The following ARHGEF37 variants were observed in gnomAD, a reference collection of about 807,000 sequenced individuals.
ARHGEF37 encodes Rho guanine nucleotide exchange factor 37.
ARHGEF37 carries 55 observed loss-of-function variants against 71.1 expected under a neutral mutation model. That is an observed-to-expected ratio of 0.77 (90% CI 0.62 to 0.97). The LOEUF (loss-of-function observed/expected upper bound fraction) is 0.97. Among genes scored for constraint, ARHGEF37 ranks in the 50% least tolerant of loss-of-function variants. The pLI, the probability that ARHGEF37 is intolerant of heterozygous loss-of-function variation, is 0.00. For synonymous variants in ARHGEF37, 327 were observed against 350.6 expected, an observed-to-expected ratio of 0.93 and a Z score of 0.75; for missense variants, 765 against 836.8, an observed-to-expected ratio of 0.91 and a Z score of 1.06.
rs528661193 is a variant in ARHGEF37 at position 149,612,843 on chromosome 5, C to A, written c.458+3148C>A. On this transcript the variant is annotated intron_variant, in intron 4 of 12. Transcript: ENST00000333677. ...TTTCTCAGTCTGCTATGATAGATGG[C>A]ACCAGGTTATTAGATTCCTTGGGAT... 9.2e-5 allele frequency among the ~76,000 whole-genome samples: 14 copies of A among 152,354 alleles called. 1 individual carries two copies. In the East Asian group the frequency reaches 2.7e-3, roughly 29 times the overall value.
upstream of ARHGEF37, among the ~76,000 whole-genome samples, chr5:149,580,315 C>T (rs1763083008): frequency 6.6e-6 from 1 of 152,138 alleles, no homozygotes; most frequent in Non-Finnish European, 1.5e-5. Flanking sequence ...CCCCCCTCAG[C>T]TTCCCAAAGT....
rs146200413 is a variant in ARHGEF37 at position 149,566,218 on chromosome 5, C to T, written c.-12+14095C>T. Among the ~76,000 whole-genome samples the T allele has an allele frequency of 2.7e-3, 409 of 151,898 alleles. 3 individuals carry two copies. Among genetic ancestry groups the T allele is most frequent in the African/African-American group, 9.3e-3 (384 of 41,436 alleles). On this transcript the variant is annotated intron_variant, in intron 1 of 2. Transcript: ENST00000505810. The stretch of plus-strand genomic sequence containing the variant: ...GAACCTTCAAAAACCCTATGTGGGA[C>T]AGGCGAGGTGGTTCACACCTGTAAT...
intron 5 of ARHGEF37, 42 bp from the exon 6 acceptor site, chr5:149,618,134 T>C (rs761243794): frequency 6.2e-7 from 1 of 1,610,668 alleles, no homozygotes; most frequent in African/African-American, 1.3e-5. Context: ...CTTTCCTGAG[T>C]TGGCTTGATC....
rs369494353 is a variant in ARHGEF37 at position 149,607,037 on chromosome 5, T to A, written c.311-2511T>A. Among the ~76,000 whole-genome samples, 6 of 152,250 alleles carry A rather than the reference T, an allele frequency of 3.9e-5. No individual in the cohort carries two copies. In the East Asian group the frequency reaches 7.7e-4, roughly 20 times the overall value. ...TTCAAGCAGTTCTCCTGCCTCAGCC[T>A]CCTGAGGCACCTGCCACCACTCCTG... On this transcript the variant is annotated intron_variant, in intron 3 of 12. Coordinates refer to ENST00000333677, the MANE Select transcript of ARHGEF37 (RefSeq NM_001001669.3).
At chr5:149,630,347 C>T (rs1039864057) in intron 12 of ARHGEF37, among the ~76,000 whole-genome samples, 1 of 152,128 alleles carries the variant, frequency 6.6e-6, no homozygotes. Flanking sequence ...TCAATGGAGG[C>T]AGCCCTCACA....
chr5:149,626,955 TCAGTGG>T (rs66982663), intron 10 of ARHGEF37, 115 bp from the exon 11 acceptor site: 471,235 of 1,111,528 alleles, frequency 0.42, 102,728 homozygotes, highest in Non-Finnish European at 0.46. Context: ...GGTGGGCCCT[TCAGTGG>T]CAGAGTTAGG....
chr5:149,587,306 G>A (rs190073919), intron 1 of ARHGEF37, among the ~76,000 whole-genome samples: 1 of 152,026 alleles, frequency 6.6e-6, no homozygotes, highest in East Asian at 1.9e-4. Flanking sequence ...CATCTAGATC[G>A]GCCATGTGTC....
chr5:149,567,554 ATTC>A (rs1192077471), intron 1 of ARHGEF37, among the ~76,000 whole-genome samples: 2 of 151,968 alleles, frequency 1.3e-5, no homozygotes, highest in African/African-American at 4.8e-5. Context: ...TGAATTTTAC[ATTC>A]TTCTTCATTT....
intron 1 of ARHGEF37, among the ~76,000 whole-genome samples, chr5:149,574,194 G>A (rs1763000938): frequency 6.6e-6 from 1 of 152,152 alleles, no homozygotes; most frequent in Non-Finnish European, 1.5e-5. Flanking sequence ...TTCAGGAGAG[G>A]GAGTTTCCCT....
intron 1 of ARHGEF37, among the ~76,000 whole-genome samples, chr5:149,563,782 A>G (rs892322110): frequency 1.3e-5 from 2 of 152,100 alleles, no homozygotes; most frequent in African/African-American, 4.8e-5. Flanking sequence ...CCTTTTGACA[A>G]GGTCATCACT....
intron 2 of ARHGEF37, among the ~76,000 whole-genome samples, chr5:149,598,751 TATATATAGATATAGATATAGATATAG>T (rs977068500): frequency 2.4e-5 from 1 of 40,826 alleles, no homozygotes; most frequent in Admixed American, 3.8e-4. Flanking sequence ...TATATATATC[TATATATAGATATAGATATAGATATAG>T]ATATATAGAT....
At chr5:149,554,886 A>G (rs1762732061) in intron 1 of ARHGEF37, among the ~76,000 whole-genome samples, 1 of 152,080 alleles carries the variant, frequency 6.6e-6, no homozygotes, top group African/African-American at 2.4e-5. Context: ...TAATCCCAGC[A>G]CTTTGGGAGG....
At chr5:149,603,890 C>G (rs1378912716) in intron 3 of ARHGEF37, among the ~76,000 whole-genome samples, 3 of 152,144 alleles carry the variant, frequency 2.0e-5, no homozygotes, top group Non-Finnish European at 4.4e-5. Flanking sequence ...GAGCTGAGAT[C>G]GTGCCAGTGT....
chr5:149,633,481 C>A lies in ARHGEF37; in HGVS notation c.*1290C>A, dbSNP rs1752948040. ...ATTCTAGAACCTGGAAATTGGAGCC[C>A]CTCAAAAACAGTTCCTGTTCAAGGA... On this transcript the variant is annotated 3_prime_UTR_variant, in exon 13 of 13. Transcript: ENST00000333677. 1 of 152,384 alleles carries A rather than the reference C, an allele frequency of 6.6e-6. No homozygotes were observed. The highest frequency in any genetic ancestry group is 2.1e-4 in the South Asian group (1 of 4,826). The allele number at this position is 152,384 out of a possible 1,614,324, so 9.4% of individuals were successfully genotyped here. A position where few individuals can be genotyped will look rare whatever the true frequency, so the allele number is the denominator to read the frequency against.
intron 12 of ARHGEF37, among the ~76,000 whole-genome samples, chr5:149,630,269 A>C (rs778955636): frequency 2.0e-5 from 3 of 152,168 alleles, no homozygotes; most frequent in Non-Finnish European, 4.4e-5. Flanking sequence ...GCGGGGAAGA[A>C]GTTCAGTGGG....
At chr5:149,587,894 C>CTTTTTTT (rs3994917) in intron 1 of ARHGEF37, among the ~76,000 whole-genome samples, 1 of 129,152 alleles carries the variant, frequency 7.7e-6, no homozygotes, top group Non-Finnish European at 1.6e-5. Context: ...TCCCTTTAGT[C>CTTTTTTT]TTTTTTTTTT....
At position 149,599,864 on chromosome 5, in the gene ARHGEF37, T is replaced by A. The variant is rs140170130; in HGVS notation, c.187-1244T>A. ...GAATGAAATACCAATGTAGATAATGTAGAAAGTGAAGTACTTCTTTTATTT... is the reference window on the plus strand; with the variant it reads ...GAATGAAATACCAATGTAGATAATGAAGAAAGTGAAGTACTTCTTTTATTT... On this transcript the variant is annotated intron_variant, in intron 2 of 12. Coordinates refer to ENST00000333677, the MANE Select transcript of ARHGEF37 (RefSeq NM_001001669.3). 1.2e-3 allele frequency among the ~76,000 whole-genome samples: 188 copies of A among 152,326 alleles called. 3 individuals carry two copies. In the East Asian group the frequency reaches 0.033, roughly 27 times the overall value.
At chr5:149,617,639 G>A (rs1055687690) in intron 5 of ARHGEF37, among the ~76,000 whole-genome samples, 7 of 152,148 alleles carry the variant, frequency 4.6e-5, no homozygotes, top group African/African-American at 1.4e-4. Context: ...TCGCAGAACT[G>A]GTAAGGGACA....
chr5:149,552,763 G>A lies in ARHGEF37; in HGVS notation c.-12+640G>A, dbSNP rs1440043615. On this transcript the variant is annotated intron_variant, in intron 1 of 2. Coordinates refer to the ARHGEF37 transcript ENST00000505810. ...TGAGAATCGCTTGAACCCGGGAGGC[G>A]GAGGTTGCGGTGAGACTAGATCACG... Among the ~76,000 whole-genome samples, 6 of 151,972 alleles carry A rather than the reference G, an allele frequency of 3.9e-5. No individual in the cohort carries two copies. In the East Asian group the frequency reaches 5.8e-4, roughly 15 times the overall value.
Sources: gnomAD v4.1 joint callset for allele counts (sites outside exome capture counted in the v4.1 genomes callset) on GRCh38, gnomAD v4.1.1 for gene constraint, MANE v1.5 for transcripts, NCBI Gene and HGNC (gene_info 2026-07-23, HGNC 2026-07-21) for gene names.